Variants in IAH1 observed in about 807,000 individuals in gnomAD.
The protein encoded by IAH1 is isoamyl acetate-hydrolyzing esterase 1 homolog.
Under a neutral mutation model 26.7 loss-of-function variants are expected in IAH1, and 24 were observed. That is an observed-to-expected ratio of 0.90 (90% CI 0.65 to 1.26). The LOEUF (loss-of-function observed/expected upper bound fraction) is 1.26, where lower values mean the gene tolerates loss of function less well. Among genes scored for constraint, IAH1 ranks in the 50% most tolerant of loss-of-function variants. The pLI, the probability that IAH1 is intolerant of heterozygous loss-of-function variation, is 0.00. For synonymous variants in IAH1, 140 were observed against 118.5 expected (o/e 1.18, Z -1.18); for missense variants, 300 against 299.9 (o/e 1.00, Z 0.00).
Position 9,474,553 on chromosome 2 carries a change from C to G in IAH1, c.-14C>G, listed in dbSNP as rs988935204. The G allele has an allele frequency of 6.8e-6, 10 of 1,463,822 alleles. No individual in the cohort carries two copies. The highest frequency in any genetic ancestry group is 9.0e-6 in the Non-Finnish European group (10 of 1,110,992). 90.7% of individuals were successfully genotyped at this position (1,463,822 alleles called of 1,614,324 possible). A position where few individuals can be genotyped will look rare whatever the true frequency, so the allele number is the denominator to read the frequency against. ...CGTGGCTGGCGGCCCCGCCCCGCCC[C>G]GCCCGGCTGCTCCATGGCGCTGTGC... On this transcript the variant is annotated 5_prime_UTR_variant, in exon 1 of 6. Coordinates refer to ENST00000497473, the MANE Select transcript of IAH1 (RefSeq NM_001039613.3). The surrounding 1 kb of genome is among the most constrained non-coding windows in gnomAD (Gnocchi z 4.3).
downstream of IAH1, among the ~76,000 whole-genome samples, chr2:9,492,315 T>TAA (rs1347099828): frequency 6.6e-6 from 1 of 152,230 alleles, no homozygotes; most frequent in African/African-American, 2.4e-5. Flanking sequence ...CTCAAATTTA[T>TAA]AAAGGACCAG....
the IAH1 span, chr2:9,502,207 A>C: frequency 6.2e-7 from 1 of 1,614,178 alleles, no homozygotes; most frequent in Non-Finnish European, 8.5e-7. Flanking sequence ...AAGTAGCATT[A>C]ATCGCCTCCT....
intron 5 of IAH1, 26 bp downstream of exon 5, chr2:9,484,576 G>A (rs559010632): frequency 3.0e-5 from 43 of 1,441,224 alleles, no homozygotes; most frequent in Non-Finnish European, 3.6e-5. Context: ...CGGTCCTCTC[G>A]GGGTAAATAG....
At chr2:9,493,639 C>A, downstream of IAH1, 1 of 902,946 alleles carries the variant, frequency 1.1e-6, no homozygotes, top group South Asian at 1.6e-5. Context: ...GTGAATAGTT[C>A]CACCTTCTAC....
At chr2:9,474,547 C>CCGCCCCGCCA, upstream of IAH1, 1 of 1,441,466 alleles carries the variant, frequency 6.9e-7, no homozygotes, top group African/African-American at 1.5e-5. The surrounding 1 kb of genome is among the most constrained non-coding windows in gnomAD (Gnocchi z 4.3). Context: ...CGGCCCCGCC[C>CCGCCCCGCCA]CGCCCCGCCC....
chr2:9,478,137 A>G, intron 2 of IAH1, 85 bp from the exon 3 acceptor site: 1 of 1,242,476 alleles, frequency 8.0e-7, no homozygotes, highest in Non-Finnish European at 1.1e-6. Flanking sequence ...AGAATCCCAG[A>G]GAGCACACCC....
At chr2:9,500,777 A>G (rs1224805622), downstream of IAH1, among the ~76,000 whole-genome samples, 2 of 152,206 alleles carry the variant, frequency 1.3e-5, no homozygotes, top group Non-Finnish European at 2.9e-5. Flanking sequence ...ATGTAGAGAT[A>G]TGTCCGTTTA....
intron 3 of IAH1, among the ~76,000 whole-genome samples, chr2:9,479,607 G>C (rs1001804148): frequency 6.6e-6 from 1 of 152,106 alleles, no homozygotes; most frequent in African/African-American, 2.4e-5. Flanking sequence ...ATATGAAGCA[G>C]TAATACTTAC....
At chr2:9,502,855 G>A in the IAH1 span, among the ~76,000 whole-genome samples, 1 of 132,108 alleles carries the variant, frequency 7.6e-6, no homozygotes, top group Non-Finnish European at 1.6e-5. Context: ...CTCCAGCCTA[G>A]GCAACAAGAG....
At chr2:9,501,601 A>C in the IAH1 span, among the ~76,000 whole-genome samples, 8 of 152,166 alleles carry the variant, frequency 5.3e-5, no homozygotes, top group Non-Finnish European at 1.2e-4. Context: ...CAACAGTGAA[A>C]TACATATAGA....
intron 5 of IAH1, among the ~76,000 whole-genome samples, chr2:9,487,788 T>TTGTGTGTGTGTG (rs70948823): frequency 4.7e-4 from 63 of 134,024 alleles, no homozygotes; most frequent in African/African-American, 1.4e-3. Flanking sequence ...CCCGGCCTTT[T>TTGTGTGTGTGTG]TGTGTGTGTG....
intron 4 of IAH1, among the ~76,000 whole-genome samples, chr2:9,484,029 C>T (rs569578669): frequency 6.6e-6 from 1 of 152,330 alleles, no homozygotes; most frequent in South Asian, 2.1e-4. Flanking sequence ...GTCAGCGCAG[C>T]GTTCAGCTTC....
At chr2:9,482,287 CA>C (rs1050832410) in intron 4 of IAH1, among the ~76,000 whole-genome samples, 2 of 152,168 alleles carry the variant, frequency 1.3e-5, no homozygotes, top group African/African-American at 4.8e-5. Flanking sequence ...CTCAGCCTCC[CA>C]AAGTGCTGGG....
intron 5 of IAH1, chr2:9,485,446 G>C (rs1027176225): frequency 6.6e-6 from 1 of 152,402 alleles, no homozygotes; most frequent in African/African-American, 2.4e-5. Context: ...CTGAGTTCAG[G>C]AGTTCAAGAC....
chr2:9,493,708 G>C (rs758994208), downstream of IAH1: 4 of 1,544,628 alleles, frequency 2.6e-6, no homozygotes, highest in Non-Finnish European at 3.6e-6. Flanking sequence ...CACAGAAATT[G>C]ACTCAGCTCT....
downstream of IAH1, chr2:9,496,964 C>T (rs544972434): frequency 1.3e-5 from 16 of 1,205,822 alleles, no homozygotes; most frequent in Admixed American, 5.2e-5. Context: ...TGCCTGTCTC[C>T]AGACACCACC....
chr2:9,507,466 C>T, the IAH1 span, among the ~76,000 whole-genome samples: 4 of 152,108 alleles, frequency 2.6e-5, no homozygotes, highest in African/African-American at 4.8e-5. Flanking sequence ...CACACCACTG[C>T]ACTCCAGCCT....
chr2:9,501,418 T>A (rs1390056578), downstream of IAH1, among the ~76,000 whole-genome samples: 1 of 152,110 alleles, frequency 6.6e-6, no homozygotes, highest in African/African-American at 2.4e-5. Context: ...GACTACACAA[T>A]GACACTCCTC....
chr2:9,493,629 G>A (rs771102022), downstream of IAH1: 41 of 806,294 alleles, frequency 5.1e-5, no homozygotes, highest in Non-Finnish European at 7.7e-5. Context: ...AACTAAAGCT[G>A]TGAATAGTTC....
Sources: gnomAD v4.1 joint callset for allele counts (sites outside exome capture counted in the v4.1 genomes callset) on GRCh38, gnomAD v4.1.1 for gene constraint, Gnocchi (gnomAD v3.1) non-coding constraint, MANE v1.5 for transcripts, NCBI Gene and HGNC (gene_info 2026-07-23, HGNC 2026-07-21) for gene names.